Variants in CDH13 observed in about 807,000 individuals in gnomAD.
CDH13 encodes the protein cadherin 13, also known as cadherin-13.
CDH13 carries 24 observed loss-of-function variants against 63.8 expected under a neutral mutation model. The ratio of observed to expected loss-of-function variants is 0.38; its 90% CI spans 0.27 to 0.53. The LOEUF is 0.53. CDH13 is among the 20% of genes least tolerant of loss of function. The probability of loss-of-function intolerance (pLI) is 0.85; values close to 1 mark genes in which losing one functional copy is unlikely to be tolerated. For missense variants in CDH13, 1,049 were observed against 903.1 expected, an observed-to-expected ratio of 1.16 and a Z score of -2.07; for synonymous variants, 503 against 355.3, an observed-to-expected ratio of 1.42 and a Z score of -4.67.
At chr16:82,792,731 T>A (rs909814332) in intron 1 of CDH13, among the ~76,000 whole-genome samples, 2 of 152,214 alleles carry the variant, frequency 1.3e-5, no homozygotes, top group Non-Finnish European at 2.9e-5. Context: ...GTTCCTCTTA[T>A]CTTGTCACAC....
At chr16:83,461,708 G>T (rs887749375) in intron 6 of CDH13, among the ~76,000 whole-genome samples, 1 of 152,170 alleles carries the variant, frequency 6.6e-6, no homozygotes, top group Non-Finnish European at 1.5e-5. Context: ...ATCTTGATTT[G>T]AATAGAGAGT....
At chr16:83,722,660 C>T (rs1239253468) in intron 10 of CDH13, among the ~76,000 whole-genome samples, 2 of 152,200 alleles carry the variant, frequency 1.3e-5, no homozygotes, top group Non-Finnish European at 2.9e-5. Flanking sequence ...GCCAACTGCA[C>T]TGATGTATCC....
intron 3 of CDH13, among the ~76,000 whole-genome samples, chr16:83,067,962 C>T (rs375016333): frequency 5.3e-4 from 81 of 152,286 alleles, no homozygotes; most frequent in African/African-American, 1.8e-3. Flanking sequence ...AAGAAGCCTT[C>T]ACCCTCATTC....
At chr16:83,093,332 T>TTTTTTG (rs2034018682) in intron 3 of CDH13, among the ~76,000 whole-genome samples, 2 of 109,136 alleles carry the variant, frequency 1.8e-5, no homozygotes, top group Non-Finnish European at 3.5e-5. Context: ...TTTTTTTTTT[T>TTTTTTG]GAGGTGGAGT....
chr16:82,642,986 C>T (rs913410949), intron 1 of CDH13, among the ~76,000 whole-genome samples: 9 of 152,262 alleles, frequency 5.9e-5, no homozygotes, highest in African/African-American at 2.2e-4. Flanking sequence ...TGAAATGGAA[C>T]AAACTGTCCA....
chr16:83,252,165 T>C (rs141441566), intron 5 of CDH13, among the ~76,000 whole-genome samples: 136 of 148,756 alleles, frequency 9.1e-4, no homozygotes, highest in African/African-American at 2.9e-3. Context: ...TTTAAGTTAC[T>C]GTGCTAGGCA....
chr16:83,179,323 A>T (rs1188014361), intron 4 of CDH13, among the ~76,000 whole-genome samples: 1 of 151,982 alleles, frequency 6.6e-6, no homozygotes, highest in Non-Finnish European at 1.5e-5. Flanking sequence ...TATCAGGCAC[A>T]TGCTAACAGG....
intron 2 of CDH13, among the ~76,000 whole-genome samples, chr16:82,875,126 A>G (rs2151194599): frequency 6.6e-6 from 1 of 152,302 alleles, no homozygotes; most frequent in Non-Finnish European, 1.5e-5. Context: ...TAGTTCTAGA[A>G]TGAGTGAGGC....
chr16:82,994,777 A>C (rs578177882), intron 2 of CDH13, among the ~76,000 whole-genome samples: 565 of 152,290 alleles, frequency 3.7e-3, no homozygotes, highest in Non-Finnish European at 6.6e-3. Context: ...GTTAAGGGGA[A>C]CTTTGTCAGT....
chr16:83,027,071 G>C (rs568343570), intron 2 of CDH13, among the ~76,000 whole-genome samples: 3 of 151,218 alleles, frequency 2.0e-5, no homozygotes, highest in Non-Finnish European at 4.4e-5. Context: ...CAGCCTTGTC[G>C]GCAGCCTCTT....
chr16:83,487,394 A>C (rs1436219392), intron 7 of CDH13, among the ~76,000 whole-genome samples: 2 of 152,168 alleles, frequency 1.3e-5, no homozygotes, highest in Admixed American at 6.5e-5. Context: ...CATGTGCACT[A>C]TCGGTGGTGT....
At chr16:83,275,370 G>T (rs1458655682) in intron 5 of CDH13, among the ~76,000 whole-genome samples, 2 of 152,154 alleles carry the variant, frequency 1.3e-5, no homozygotes, top group Non-Finnish European at 2.9e-5. Flanking sequence ...TAATAGAAAG[G>T]CAATTTTGGC....
chr16:82,673,562 T>C (rs892945169), intron 1 of CDH13, among the ~76,000 whole-genome samples: 3 of 151,998 alleles, frequency 2.0e-5, no homozygotes, highest in African/African-American at 7.2e-5. Flanking sequence ...GAGCATGAGA[T>C]AAATAATTCT....
chr16:83,112,533 C>CA lies in CDH13; in HGVS notation c.367-12847dup, dbSNP rs373417818. Among the ~76,000 whole-genome samples, 53 of 152,086 alleles carry CA rather than the reference C, an allele frequency of 3.5e-4. 1 individual carries two copies. Among genetic ancestry groups the CA allele is most frequent in the African/African-American group, 1.3e-3 (53 of 41,500 alleles). ...TGGGTTAGGAGTTAGAAGAAATAGC[C>CA]AAAAAGGAGGTGTAATTAACCCTTT... On this transcript the variant is annotated intron_variant, in intron 3 of 13. Coordinates refer to ENST00000567109, the MANE Select transcript of CDH13 (RefSeq NM_001257.5).
chr16:82,974,507 C>A (rs879501191), intron 2 of CDH13, among the ~76,000 whole-genome samples: 1 of 152,112 alleles, frequency 6.6e-6, no homozygotes, highest in Non-Finnish European at 1.5e-5. Context: ...AGAATAATGA[C>A]CCCAATGATA....
intron 1 of CDH13, among the ~76,000 whole-genome samples, chr16:82,777,813 C>A (rs944593136): frequency 6.6e-6 from 1 of 152,140 alleles, no homozygotes; most frequent in Non-Finnish European, 1.5e-5. Context: ...GGCTGCTGGA[C>A]TGAGGGCTTT....
intron 1 of CDH13, among the ~76,000 whole-genome samples, chr16:82,721,242 A>G (rs573878155): frequency 1.3e-5 from 2 of 152,288 alleles, no homozygotes; most frequent in African/African-American, 2.4e-5. Context: ...ATGACTTGGT[A>G]GTGGGTTCAC....
intron 2 of CDH13, among the ~76,000 whole-genome samples, chr16:82,974,360 C>T (rs973821083): frequency 2.0e-5 from 3 of 152,152 alleles, no homozygotes; most frequent in East Asian, 1.9e-4. Context: ...ATGTAGAATG[C>T]CCACATTGTC....
At chr16:82,946,331 T>C (rs1359940834) in intron 2 of CDH13, among the ~76,000 whole-genome samples, 1 of 152,096 alleles carries the variant, frequency 6.6e-6, no homozygotes, top group Non-Finnish European at 1.5e-5. Flanking sequence ...AAATGTAAGT[T>C]CTAACATAAG....
Sources: allele counts gnomAD v4.1 joint callset (sites outside exome capture counted in the v4.1 genomes callset), GRCh38; gene constraint gnomAD v4.1.1; transcripts MANE v1.5; gene names NCBI Gene and HGNC (gene_info 2026-07-23, HGNC 2026-07-21).